ENPP6: variants seen among roughly 807,000 people sequenced by gnomAD.
The protein encoded by ENPP6 is glycerophosphocholine cholinephosphodiesterase ENPP6.
Under a neutral mutation model 42.0 loss-of-function variants are expected in ENPP6, and 32 were observed. The ratio of observed to expected loss-of-function variants is 0.76; its 90% CI spans 0.58 to 1.02. ENPP6 has a LOEUF of 1.02. Among genes scored for constraint, ENPP6 ranks in the 50% least tolerant of loss-of-function variants. The pLI is 0.00. For missense variants in ENPP6, 552 were observed against 566.8 expected, an observed-to-expected ratio of 0.97 and a Z score of 0.27; for synonymous variants, 213 against 216.0, an observed-to-expected ratio of 0.99 and a Z score of 0.12.
chr4:184,160,961 G>C (rs1453438242), intron 1 of ENPP6, among the ~76,000 whole-genome samples: 1 of 152,132 alleles, frequency 6.6e-6, no homozygotes, highest in East Asian at 1.9e-4. Flanking sequence ...GCAATGCAAA[G>C]AACTTCCAAC....
chr4:184,122,415 A>ACCACCC (rs1176747516), intron 3 of ENPP6, among the ~76,000 whole-genome samples: 1 of 148,552 alleles, frequency 6.7e-6, no homozygotes, highest in Non-Finnish European at 1.5e-5. Flanking sequence ...CACCACCACC[A>ACCACCC]CCACCACCAC....
chr4:184,159,615 C>T (rs1462911834), intron 1 of ENPP6, among the ~76,000 whole-genome samples: 1 of 152,122 alleles, frequency 6.6e-6, no homozygotes, highest in East Asian at 1.9e-4. Context: ...AAATTTGAAT[C>T]ATGTTGTTGG....
rs1732607820 is a variant in ENPP6 at position 184,184,992 on chromosome 4, G to A, written c.242-31259C>T. ...TGCGTCACATCTAATGAGACAGCTG[G>A]GAGGAAGACTGGAGACAACAGAGGT... On this transcript the variant is annotated intron_variant, in intron 1 of 7. Coordinates refer to ENST00000296741, the MANE Select transcript of ENPP6 (RefSeq NM_153343.4). This position sits in a 1 kb window ranked among gnomAD's most constrained non-coding sequence, Gnocchi z 4.7. Among the ~76,000 whole-genome samples, 1 of 152,188 alleles carries A rather than the reference G, an allele frequency of 6.6e-6. No individual in the cohort carries two copies. Among genetic ancestry groups the A allele is most frequent in the African/African-American group, 2.4e-5 (1 of 41,452 alleles).
chr4:184,143,720 GA>G (rs1255915465), intron 2 of ENPP6, among the ~76,000 whole-genome samples: 1 of 152,244 alleles, frequency 6.6e-6, no homozygotes, highest in Non-Finnish European at 1.5e-5. Flanking sequence ...GGGGTCTGCA[GA>G]GAGGGGGAGG....
chr4:184,156,836 A>G (rs1737167171), intron 1 of ENPP6, among the ~76,000 whole-genome samples: 1 of 152,246 alleles, frequency 6.6e-6, no homozygotes. Flanking sequence ...CGTAGTGACC[A>G]TCACAAGAAG....
chr4:184,091,121 C>T lies in ENPP6; in HGVS notation c.*56G>A. ...CACACATAAAATGAAAATCATCTGG[C>T]TTTGGAGGCCCACTTTGCTGATGGT... On this transcript the variant is annotated 3_prime_UTR_variant, in exon 8 of 8. Transcript: ENST00000296741. 6.8e-6 allele frequency: 10 copies of T among 1,475,064 alleles called. No homozygotes were observed. In the South Asian group the frequency reaches 1.4e-4, roughly 21 times the overall value. 91.4% of individuals were successfully genotyped at this position (1,475,064 alleles called of 1,614,324 possible).
At chr4:184,139,650 A>G (rs200029449) in intron 2 of ENPP6, among the ~76,000 whole-genome samples, 1 of 80,208 alleles carries the variant, frequency 1.2e-5, no homozygotes, top group Non-Finnish European at 2.9e-5. Context: ...GAGAATGATG[A>G]TTTCCAATCA....
rs529422447 is a variant in ENPP6, at chr4:184,112,488, T to C, written c.993+184A>G. On this transcript the variant is annotated intron_variant, in intron 6 of 7. Coordinates refer to ENST00000296741, the MANE Select transcript of ENPP6 (RefSeq NM_153343.4). Reference sequence around the variant, plus strand: ...TAAACCATGACTCTGGGTTCGCGTCTACAGTTGTGTCTACAAAGTTACCCG... The same window carrying C: ...TAAACCATGACTCTGGGTTCGCGTCCACAGTTGTGTCTACAAAGTTACCCG... 2.3e-4 allele frequency: 162 copies of C among 719,718 alleles called. No homozygotes were observed. In the African/African-American group the frequency reaches 2.7e-3, roughly 12 times the overall value. 44.6% of individuals were successfully genotyped at this position (719,718 alleles called of 1,614,324 possible).
intron 1 of ENPP6, among the ~76,000 whole-genome samples, chr4:184,190,924 C>T (rs1044301604): frequency 1.1e-4 from 17 of 152,146 alleles, no homozygotes; most frequent in African/African-American, 1.9e-4. Flanking sequence ...ACCCCAGAAG[C>T]GCTTATTGTT....
intron 1 of ENPP6, among the ~76,000 whole-genome samples, chr4:184,199,812 G>A (rs1252457400): frequency 6.6e-6 from 1 of 152,200 alleles, no homozygotes; most frequent in Non-Finnish European, 1.5e-5. Flanking sequence ...GGGACACAGC[G>A]TCTCGCTGGG....
At chr4:184,166,944 G>A (rs537831402) in intron 1 of ENPP6, among the ~76,000 whole-genome samples, 1 of 152,350 alleles carries the variant, frequency 6.6e-6, no homozygotes, top group East Asian at 1.9e-4. Flanking sequence ...GGTGGTGGGA[G>A]TACCCCTTTT....
At chr4:184,128,055 A>C (rs543949330) in intron 2 of ENPP6, among the ~76,000 whole-genome samples, 108 of 152,372 alleles carry the variant, frequency 7.1e-4, no homozygotes, top group African/African-American at 2.5e-3. Flanking sequence ...AAAAAAACAA[A>C]AAAAATTGAT....
chr4:184,183,840 A>G (rs1418376757), intron 1 of ENPP6, among the ~76,000 whole-genome samples: 1 of 152,202 alleles, frequency 6.6e-6, no homozygotes, highest in African/African-American at 2.4e-5. Context: ...TTCTAGCCAC[A>G]TTTCCATCTA....
rs1373315376 is a variant in ENPP6 at position 184,090,206 on chromosome 4, T to G, written c.*971A>C. ...TCTCTGAGCAACCCACCGAGATCCT[T>G]GCTGATGCCTCCACATTCTCATCAG... On this transcript the variant is annotated 3_prime_UTR_variant, in exon 8 of 8. Transcript: ENST00000296741. The G allele has an allele frequency of 6.6e-6, 1 of 152,168 alleles. No homozygotes were observed. 9.4% of individuals were successfully genotyped at this position (152,168 alleles called of 1,614,324 possible). A position where few individuals can be genotyped will look rare whatever the true frequency, so the allele number is the denominator to read the frequency against.
intron 2 of ENPP6, among the ~76,000 whole-genome samples, chr4:184,151,713 G>C (rs558035305): frequency 6.6e-5 from 10 of 152,272 alleles, no homozygotes; most frequent in African/African-American, 2.2e-4. Flanking sequence ...TGCTATGCCT[G>C]TGTATGAATT....
At chr4:184,181,827 A>T (rs1579652883) in intron 1 of ENPP6, among the ~76,000 whole-genome samples, 1 of 152,180 alleles carries the variant, frequency 6.6e-6, no homozygotes, top group South Asian at 2.1e-4. Flanking sequence ...TTAAAACTGG[A>T]CCCCTTCCTT....
At chr4:184,211,040 G>A (rs1325487349) in intron 1 of ENPP6, among the ~76,000 whole-genome samples, 1 of 150,306 alleles carries the variant, frequency 6.7e-6, no homozygotes, top group Non-Finnish European at 1.5e-5. Flanking sequence ...TGAAACCAAC[G>A]AGAACAAAGA....
chr4:184,211,481 A>G (rs1733110843), intron 1 of ENPP6, among the ~76,000 whole-genome samples: 1 of 152,190 alleles, frequency 6.6e-6, no homozygotes, highest in African/African-American at 2.4e-5. Flanking sequence ...TAAACTAGAA[A>G]ATCTAGAAGA....
At chr4:184,145,762 G>A (rs1449795761) in intron 2 of ENPP6, among the ~76,000 whole-genome samples, 1 of 152,216 alleles carries the variant, frequency 6.6e-6, no homozygotes, top group Non-Finnish European at 1.5e-5. Context: ...ACTGCAGCTT[G>A]ACTGGGAAGC....
Sources: gnomAD v4.1 joint callset for allele counts (sites outside exome capture counted in the v4.1 genomes callset) on GRCh38, gnomAD v4.1.1 for gene constraint, Gnocchi (gnomAD v3.1) non-coding constraint, MANE v1.5 for transcripts, NCBI Gene and HGNC (gene_info 2026-07-23, HGNC 2026-07-21) for gene names.